The following ZFYVE9 variants were observed in gnomAD, a reference collection of about 807,000 sequenced individuals.
ZFYVE9 encodes zinc finger FYVE domain-containing protein 9.
In ZFYVE9, 43 loss-of-function variants were observed where a neutral mutation model predicts 126.7. That is an observed-to-expected ratio of 0.34 (90% CI 0.27 to 0.44). The LOEUF is 0.44. Ranked by LOEUF, ZFYVE9 falls within the 20% of genes least tolerant of loss-of-function variation. The probability of loss-of-function intolerance (pLI) is 1.00; values close to 1 mark genes in which losing one functional copy is unlikely to be tolerated. For missense variants in ZFYVE9, 1,476 were observed against 1,697.0 expected, an observed-to-expected ratio of 0.87 and a Z score of 2.29; for synonymous variants, 521 against 597.4, an observed-to-expected ratio of 0.87 and a Z score of 1.87.
At chr1:52,256,211 G>A (rs1248737500) in intron 4 of ZFYVE9, among the ~76,000 whole-genome samples, 2 of 151,448 alleles carry the variant, frequency 1.3e-5, no homozygotes, top group South Asian at 2.1e-4. Flanking sequence ...GATAACAGGC[G>A]TGTGCCACCA....
chr1:52,230,487 A>G (rs6657731), intron 2 of ZFYVE9, among the ~76,000 whole-genome samples: 11,230 of 151,006 alleles, frequency 0.074, 547 homozygotes, highest in African/African-American at 0.13. Flanking sequence ...ACATATACCT[A>G]TGTAATCTGC....
At chr1:52,224,175 G>A (rs1645149241) in intron 2 of ZFYVE9, among the ~76,000 whole-genome samples, 3 of 152,174 alleles carry the variant, frequency 2.0e-5, no homozygotes, top group Admixed American at 1.3e-4. Flanking sequence ...ATATCCCTTT[G>A]GCATTGTCTA....
chr1:52,187,661 A>G (rs1183057384), intron 1 of ZFYVE9, among the ~76,000 whole-genome samples: 2 of 152,230 alleles, frequency 1.3e-5, no homozygotes. Flanking sequence ...ACACTTTTCA[A>G]AAGAAGACAT....
chr1:52,254,857 T>G (rs1204024736), intron 4 of ZFYVE9, among the ~76,000 whole-genome samples: 1 of 151,908 alleles, frequency 6.6e-6, no homozygotes, highest in East Asian at 1.9e-4. Context: ...TCCTAGCTAC[T>G]TGGGAGGCTG....
Position 52,216,474 on chromosome 1 carries a change from G to C in ZFYVE9, c.-37G>C. The C allele has an allele frequency of 5.0e-6, 2 of 398,332 alleles. No homozygotes were observed. The highest frequency in any genetic ancestry group is 8.9e-6 in the Non-Finnish European group (2 of 225,936). 24.7% of individuals were successfully genotyped at this position (398,332 alleles called of 1,614,324 possible). A position where few individuals can be genotyped will look rare whatever the true frequency, so the allele number is the denominator to read the frequency against. ...CTTATCACGTGTGTAAGGGGAAAAA[G>C]GTAAGAAAATGTTTTTATTTCTCTT... On this transcript the variant is annotated splice_region_variant and 5_prime_UTR_variant, in exon 2 of 19. Transcript: ENST00000287727.
intron 1 of ZFYVE9, among the ~76,000 whole-genome samples, chr1:52,192,893 T>A (rs551217504): frequency 6.6e-6 from 1 of 152,332 alleles, no homozygotes; most frequent in Non-Finnish European, 1.5e-5. Flanking sequence ...AAAATAATAG[T>A]AATAGCAAAT....
intron 4 of ZFYVE9, among the ~76,000 whole-genome samples, chr1:52,263,013 T>G (rs1645594185): frequency 6.7e-6 from 1 of 148,394 alleles, no homozygotes; most frequent in Non-Finnish European, 1.5e-5. Context: ...GAGGTGGAGG[T>G]TGCAGCAGTG....
chr1:52,158,907 CT>C (rs1278384793), intron 1 of ZFYVE9, among the ~76,000 whole-genome samples: 2 of 152,040 alleles, frequency 1.3e-5, no homozygotes, highest in African/African-American at 4.8e-5. Context: ...ATTCTCCTGC[CT>C]CAGCCTCCTG....
intron 13 of ZFYVE9, among the ~76,000 whole-genome samples, chr1:52,319,717 T>C (rs1646220407): frequency 6.6e-6 from 1 of 151,688 alleles, no homozygotes; most frequent in South Asian, 2.1e-4. Flanking sequence ...AAAACAACTT[T>C]GAAAAAGAAC....
At chr1:52,169,062 C>T (rs944808826) in intron 1 of ZFYVE9, among the ~76,000 whole-genome samples, 3 of 152,118 alleles carry the variant, frequency 2.0e-5, no homozygotes, top group African/African-American at 7.2e-5. Flanking sequence ...ACATCCAGAT[C>T]TTGATGTGAC....
At chr1:52,324,670 C>T (rs2147862724) in intron 13 of ZFYVE9, among the ~76,000 whole-genome samples, 1 of 152,296 alleles carries the variant, frequency 6.6e-6, no homozygotes, top group Non-Finnish European at 1.5e-5. Context: ...GGGTGTGAAT[C>T]CTGTCCTCTG....
chr1:52,188,228 A>G (rs550765730), intron 1 of ZFYVE9, among the ~76,000 whole-genome samples: 1 of 27,264 alleles, frequency 3.7e-5, no homozygotes, highest in African/African-American at 9.8e-5. Flanking sequence ...ATGCAGGAAC[A>G]GAAACCGTAT....
chr1:52,238,412 C>G lies in ZFYVE9; in HGVS notation c.995C>G (p.Ser332Cys), dbSNP rs747722056. The G allele has an allele frequency of 1.9e-6, 3 of 1,613,996 alleles. No homozygotes were observed. The highest frequency in any genetic ancestry group is 2.5e-6 in the Non-Finnish European group (3 of 1,179,962). ...EPAEESTTEE[S>C]LRSGLPLLLK... Reference sequence around the variant, plus strand: ...GCAGAGGAGAGCACCACTGAAGAATCCCTCCGGTCTGGTTTACCTTTGCTT... The same window carrying G: ...GCAGAGGAGAGCACCACTGAAGAATGCCTCCGGTCTGGTTTACCTTTGCTT... Residue 332 changes from serine to cysteine, a missense_variant, in exon 4 of 19, where the codon TCC (serine) becomes TGC (cysteine). This residue lies in a region of ZFYVE9 where 807 missense variants were observed against 794.6 expected (regional missense o/e 1.02). Coordinates refer to ENST00000287727, the MANE Select transcript of ZFYVE9 (RefSeq NM_004799.4).
intron 1 of ZFYVE9, among the ~76,000 whole-genome samples, chr1:52,149,126 G>A (rs1053902030): frequency 4.0e-5 from 6 of 151,318 alleles, no homozygotes; most frequent in Admixed American, 1.3e-4. Flanking sequence ...ACTATGCACC[G>A]CTAATTTTTG....
At chr1:52,166,943 A>T (rs1341254159) in intron 1 of ZFYVE9, among the ~76,000 whole-genome samples, 1 of 152,210 alleles carries the variant, frequency 6.6e-6, no homozygotes, top group African/African-American at 2.4e-5. Flanking sequence ...TTTACTCTGA[A>T]CAAATCTTTT....
intron 7 of ZFYVE9, among the ~76,000 whole-genome samples, chr1:52,269,498 G>T (rs1645667798): frequency 6.6e-6 from 1 of 152,082 alleles, no homozygotes; most frequent in Non-Finnish European, 1.5e-5. Flanking sequence ...TTATATTAAT[G>T]ATAAGTAATA....
At chr1:52,228,945 A>G (rs1645193576) in intron 2 of ZFYVE9, among the ~76,000 whole-genome samples, 1 of 151,592 alleles carries the variant, frequency 6.6e-6, no homozygotes, top group Non-Finnish European at 1.5e-5. Context: ...GCTAGAATGC[A>G]GTGGTGCAGT....
chr1:52,274,018 A>G (rs745438470), intron 7 of ZFYVE9, among the ~76,000 whole-genome samples: 6 of 152,182 alleles, frequency 3.9e-5, no homozygotes, highest in Non-Finnish European at 8.8e-5. Flanking sequence ...TTTTGCAACT[A>G]TCACCACTGT....
chr1:52,345,894 C>T, intron 18 of ZFYVE9, 166 bp from the exon 19 acceptor site: 1 of 638,310 alleles, frequency 1.6e-6, no homozygotes, highest in South Asian at 4.5e-5. Context: ...GAGTAAACAA[C>T]AGGATAAGTG....
Sources: gnomAD v4.1 joint callset for allele counts (sites outside exome capture counted in the v4.1 genomes callset) on GRCh38, gnomAD v4.1.1 for gene constraint, gnomAD v4.1.1 regional missense constraint, MANE v1.5 for transcripts, NCBI Gene and HGNC (gene_info 2026-07-23, HGNC 2026-07-21) for gene names.